The following GABRB1 variants were observed in gnomAD, a reference collection of about 807,000 sequenced individuals.
The protein encoded by GABRB1 is gamma-aminobutyric acid receptor subunit beta-1.
GABRB1 carries 17 observed loss-of-function variants against 51.6 expected under a neutral mutation model. The ratio of observed to expected loss-of-function variants is 0.33; its 90% CI spans 0.23 to 0.49. GABRB1 has a LOEUF of 0.49. GABRB1 is among the 20% of genes least tolerant of loss of function. The pLI is 0.99. For missense variants in GABRB1, 410 were observed against 600.6 expected (o/e 0.68, Z 3.32); for synonymous variants, 247 against 218.9 (o/e 1.13, Z -1.14).
At chr4:47,029,277 A>G (rs1026149679), upstream of GABRB1, among the ~76,000 whole-genome samples, 1 of 151,980 alleles carries the variant, frequency 6.6e-6, no homozygotes, top group Admixed American at 6.6e-5. Flanking sequence ...GTTTAGATCA[A>G]TTTATATGTC....
intron 4 of GABRB1, among the ~76,000 whole-genome samples, chr4:47,309,388 T>G (rs1429677861): frequency 6.6e-6 from 1 of 152,114 alleles, no homozygotes; most frequent in East Asian, 1.9e-4. Context: ...ATGCAACCTT[T>G]GCTGTGTAGC....
At chr4:47,017,495 C>A (rs1483287135) in intron 1 of GABRB1, among the ~76,000 whole-genome samples, 1 of 152,086 alleles carries the variant, frequency 6.6e-6, no homozygotes, top group African/African-American at 2.4e-5. Context: ...CTATGACAAC[C>A]ACTGTAAGAA....
intron 4 of GABRB1, among the ~76,000 whole-genome samples, chr4:47,223,186 T>TA (rs1720828535): frequency 6.6e-6 from 1 of 152,096 alleles, no homozygotes; most frequent in Non-Finnish European, 1.5e-5. Context: ...CTCTGACTTG[T>TA]AAAAAAGTTT....
chr4:47,072,430 T>G (rs144374903), intron 3 of GABRB1, among the ~76,000 whole-genome samples: 4 of 152,326 alleles, frequency 2.6e-5, no homozygotes, highest in African/African-American at 9.6e-5. Context: ...TAGTAATTCT[T>G]CAAGCTACCA....
chr4:47,285,640 A>G (rs1428812123), intron 4 of GABRB1, among the ~76,000 whole-genome samples: 1 of 152,326 alleles, frequency 6.6e-6, no homozygotes, highest in Non-Finnish European at 1.5e-5. Context: ...ATTAAATGGC[A>G]TACATTCAAA....
At chr4:47,078,957 G>A (rs181535908) in intron 3 of GABRB1, among the ~76,000 whole-genome samples, 1 of 152,330 alleles carries the variant, frequency 6.6e-6, no homozygotes, top group Admixed American at 6.5e-5. Context: ...TCCCAGGGAT[G>A]AAGCCCACTT....
intron 3 of GABRB1, among the ~76,000 whole-genome samples, chr4:47,109,338 T>C (rs1429198072): frequency 1.3e-5 from 2 of 152,034 alleles, no homozygotes; most frequent in Non-Finnish European, 1.5e-5. Flanking sequence ...ACACTCTGAG[T>C]TGGTAAATAC....
chr4:47,074,403 T>C (rs1217730051), intron 3 of GABRB1, among the ~76,000 whole-genome samples: 2 of 152,352 alleles, frequency 1.3e-5, no homozygotes, highest in East Asian at 3.9e-4. Context: ...CATTAAACTT[T>C]ACAAAATATT....
chr4:47,132,237 T>C (rs958169734), intron 3 of GABRB1, among the ~76,000 whole-genome samples: 4 of 152,230 alleles, frequency 2.6e-5, no homozygotes, highest in Non-Finnish European at 5.9e-5. Context: ...ACTGTTTATG[T>C]TGTATGCTAA....
intron 1 of GABRB1, 34 bp from the exon 2 acceptor site, chr4:47,031,880 C>A: frequency 6.3e-7 from 1 of 1,589,094 alleles, no homozygotes; most frequent in South Asian, 1.1e-5. Context: ...AGTTTGTGCT[C>A]ATTTTGAATA....
chr4:47,158,865 A>C (rs1717814561), intron 3 of GABRB1, among the ~76,000 whole-genome samples: 1 of 152,118 alleles, frequency 6.6e-6, no homozygotes, highest in African/African-American at 2.4e-5. Context: ...GTACATAGCA[A>C]TTAAAAATTT....
At chr4:47,378,258 G>A (rs951006696) in intron 5 of GABRB1, among the ~76,000 whole-genome samples, 1 of 152,218 alleles carries the variant, frequency 6.6e-6, no homozygotes, top group Non-Finnish European at 1.5e-5. Flanking sequence ...AGCACTGATG[G>A]GGGGACCCAG....
chr4:47,358,198 G>C (rs574555288), intron 5 of GABRB1, among the ~76,000 whole-genome samples: 2 of 152,164 alleles, frequency 1.3e-5, no homozygotes, highest in South Asian at 4.1e-4. Context: ...TGTATTGGTA[G>C]CTTGCATTCA....
At chr4:47,272,045 T>C (rs1310563710) in intron 4 of GABRB1, among the ~76,000 whole-genome samples, 1 of 152,204 alleles carries the variant, frequency 6.6e-6, no homozygotes, top group African/African-American at 2.4e-5. Context: ...ACTCCATGTA[T>C]GGTCCATGAC....
intron 3 of GABRB1, among the ~76,000 whole-genome samples, chr4:47,086,228 C>T (rs183024243): frequency 1.8e-4 from 27 of 152,212 alleles, no homozygotes; most frequent in African/African-American, 6.3e-4. Context: ...CACATGTTTG[C>T]GGGTTCTTCG....
intron 3 of GABRB1, among the ~76,000 whole-genome samples, chr4:47,099,794 T>C (rs766156112): frequency 6.6e-6 from 1 of 151,256 alleles, no homozygotes; most frequent in South Asian, 2.1e-4. Context: ...AGACGTACAA[T>C]GTTGTCAATG....
chr4:47,317,220 C>T (rs1242849644), intron 4 of GABRB1, among the ~76,000 whole-genome samples: 2 of 151,902 alleles, frequency 1.3e-5, no homozygotes, highest in East Asian at 3.9e-4. Context: ...GATATATTTC[C>T]AAATGTCCCC....
chr4:47,370,445 C>T (rs1308804111), intron 5 of GABRB1, among the ~76,000 whole-genome samples: 4 of 150,448 alleles, frequency 2.7e-5, no homozygotes, highest in Middle Eastern at 3.4e-3. Flanking sequence ...TGAGATCGCG[C>T]CACTGCATTC....
chr4:47,130,167 T>C (rs904447760), intron 3 of GABRB1, among the ~76,000 whole-genome samples: 6 of 152,170 alleles, frequency 3.9e-5, no homozygotes, highest in African/African-American at 1.4e-4. Context: ...AAATGTAAGC[T>C]TGATCATGTC....
Sources: allele counts gnomAD v4.1 joint callset (sites outside exome capture counted in the v4.1 genomes callset), GRCh38; gene constraint gnomAD v4.1.1; transcripts MANE v1.5; gene names NCBI Gene and HGNC (gene_info 2026-07-23, HGNC 2026-07-21).